Variants in GRM5 observed in about 807,000 individuals in gnomAD.
GRM5 encodes the protein glutamate metabotropic receptor 5.
GRM5 carries 19 observed loss-of-function variants against 83.1 expected under a neutral mutation model. That is an observed-to-expected ratio of 0.23 (90% CI 0.16 to 0.34). GRM5 has a LOEUF of 0.34. GRM5 is among the 10% of genes least tolerant of loss of function. The pLI is 1.00. For synonymous variants in GRM5, 675 were observed against 633.6 expected (o/e 1.07, Z -0.98); for missense variants, 1,160 against 1,588.3 (o/e 0.73, Z 4.58).
chr11:88,760,475 C>A (rs182483320), intron 3 of GRM5, among the ~76,000 whole-genome samples: 2 of 152,168 alleles, frequency 1.3e-5, no homozygotes, highest in Admixed American at 6.5e-5. Flanking sequence ...TGGGTAAATT[C>A]TTGGATACAT....
rs1326411693 is a variant in GRM5, at chr11:88,843,446, G to T, written c.911+6460C>A. On this transcript the variant is annotated intron_variant, in intron 3 of 9. Coordinates refer to ENST00000305447, the MANE Select transcript of GRM5 (RefSeq NM_001143831.3). ...CATGCTACTGTTGTAATTGGTTTGGGGCATCACAAACTGTGCCTATATAAG... is the reference window on the plus strand; with the variant it reads ...CATGCTACTGTTGTAATTGGTTTGGTGCATCACAAACTGTGCCTATATAAG... Among the ~76,000 whole-genome samples, 4 of 152,096 alleles carry T rather than the reference G, an allele frequency of 2.6e-5. No individual in the cohort carries two copies. The East Asian group carries it at 7.7e-4, about 29-fold the overall frequency.
At chr11:88,996,326 T>C (rs1366724545) in intron 2 of GRM5, among the ~76,000 whole-genome samples, 1 of 152,184 alleles carries the variant, frequency 6.6e-6, no homozygotes, top group Non-Finnish European at 1.5e-5. Flanking sequence ...AGAGAAGAAA[T>C]GGTATTTGGT....
At chr11:88,898,636 C>T (rs1355194742) in intron 2 of GRM5, among the ~76,000 whole-genome samples, 8 of 150,602 alleles carry the variant, frequency 5.3e-5, no homozygotes, top group South Asian at 2.1e-4. Context: ...GTCATATATA[C>T]ACACACACAC....
chr11:88,803,934 A>C (rs1480044916), intron 3 of GRM5, among the ~76,000 whole-genome samples: 7 of 152,162 alleles, frequency 4.6e-5, no homozygotes, highest in African/African-American at 1.7e-4. Flanking sequence ...CACATGAAAA[A>C]ATGCTCACCA....
chr11:88,853,082 A>T (rs1944414934), intron 2 of GRM5, among the ~76,000 whole-genome samples: 1 of 152,260 alleles, frequency 6.6e-6, no homozygotes, highest in Admixed American at 6.5e-5. Flanking sequence ...ATTTTAAATA[A>T]ATAGAAGTAA....
intron 3 of GRM5, among the ~76,000 whole-genome samples, chr11:88,726,035 A>T (rs1445544736): frequency 6.6e-6 from 1 of 152,180 alleles, no homozygotes; most frequent in Non-Finnish European, 1.5e-5. Flanking sequence ...ATGGAGAATG[A>T]GTTTGATGAA....
chr11:88,537,416 C>G (rs1047610032), intron 8 of GRM5, among the ~76,000 whole-genome samples: 1 of 151,996 alleles, frequency 6.6e-6, no homozygotes, highest in Non-Finnish European at 1.5e-5. Flanking sequence ...GTGTGGGATA[C>G]AGTGTGATAG....
intron 3 of GRM5, among the ~76,000 whole-genome samples, chr11:88,794,190 TCTGCTTCAGGGG>T (rs1017160700): frequency 5.9e-5 from 9 of 152,176 alleles, no homozygotes; most frequent in Non-Finnish European, 5.9e-5. Flanking sequence ...TCCCCACTAT[TCTGCTTCAGGGG>T]ACCAGCATCT....
chr11:88,578,244 G>A (rs1943153754), intron 7 of GRM5, among the ~76,000 whole-genome samples: 1 of 152,032 alleles, frequency 6.6e-6, no homozygotes, highest in Non-Finnish European at 1.5e-5. Context: ...CAAGATAGGA[G>A]GAATTTATCT....
chr11:88,931,076 A>AG (rs2135646997), intron 2 of GRM5, among the ~76,000 whole-genome samples: 1 of 12,232 alleles, frequency 8.2e-5, no homozygotes, highest in East Asian at 0.012. Flanking sequence ...TTTTAATGAG[A>AG]GTTTTTTTAA....
intron 2 of GRM5, among the ~76,000 whole-genome samples, chr11:88,996,722 C>T (rs949210116): frequency 1.9e-4 from 29 of 152,108 alleles, no homozygotes; most frequent in African/African-American, 6.0e-4. Context: ...TTCTTTTTCA[C>T]GTGCCTTTGG....
At chr11:88,727,021 T>C (rs1187471125) in intron 3 of GRM5, among the ~76,000 whole-genome samples, 1 of 152,146 alleles carries the variant, frequency 6.6e-6, no homozygotes, top group Non-Finnish European at 1.5e-5. Flanking sequence ...AATGACAGGA[T>C]TAAGTTCACA....
intron 2 of GRM5, among the ~76,000 whole-genome samples, chr11:88,966,577 A>ACAAGT (rs1938971040): frequency 6.6e-6 from 1 of 152,142 alleles, no homozygotes; most frequent in African/African-American, 2.4e-5. Flanking sequence ...CACAAATTTG[A>ACAAGT]CAAGTCAGAT....
intron 2 of GRM5, among the ~76,000 whole-genome samples, chr11:89,007,267 A>G (rs960860146): frequency 3.3e-5 from 5 of 152,170 alleles, no homozygotes; most frequent in Admixed American, 1.3e-4. Context: ...CAACCAGACC[A>G]TGACCCCAGG....
At chr11:88,618,032 A>C (rs1938530458) in intron 4 of GRM5, among the ~76,000 whole-genome samples, 1 of 152,180 alleles carries the variant, frequency 6.6e-6, no homozygotes, top group South Asian at 2.1e-4. Context: ...ACTTTTGAGA[A>C]CTCAACTATG....
chr11:88,796,071 A>T (rs117082432), intron 3 of GRM5, among the ~76,000 whole-genome samples: 1 of 152,198 alleles, frequency 6.6e-6, no homozygotes, highest in African/African-American at 2.4e-5. Context: ...CTAGTGTACT[A>T]TTACTGCTAG....
intron 2 of GRM5, among the ~76,000 whole-genome samples, chr11:88,962,637 A>G (rs559338291): frequency 6.6e-6 from 1 of 152,316 alleles, no homozygotes; most frequent in South Asian, 2.1e-4. Context: ...ATTATTAAGT[A>G]TCTTCTTTGT....
chr11:88,689,024 A>G (rs1940714422), intron 3 of GRM5, among the ~76,000 whole-genome samples: 1 of 152,192 alleles, frequency 6.6e-6, no homozygotes. Context: ...TAAAAAATTA[A>G]TAACGTAATG....
intron 2 of GRM5, among the ~76,000 whole-genome samples, chr11:88,892,081 C>G (rs1945154643): frequency 6.6e-6 from 1 of 151,192 alleles, no homozygotes; most frequent in Admixed American, 6.6e-5. Flanking sequence ...CCTGGTTCCT[C>G]TAGAATTTGG....
Sources: allele counts gnomAD v4.1 joint callset (sites outside exome capture counted in the v4.1 genomes callset), GRCh38; gene constraint gnomAD v4.1.1; transcripts MANE v1.5; gene names NCBI Gene and HGNC (gene_info 2026-07-23, HGNC 2026-07-21).